The following MACROD2 variants were observed in gnomAD, a reference collection of about 807,000 sequenced individuals.
MACROD2 encodes mono-ADP ribosylhydrolase 2.
MACROD2 carries 36 observed loss-of-function variants against 70.4 expected under a neutral mutation model. The ratio of observed to expected loss-of-function variants is 0.51; its 90% CI spans 0.39 to 0.68. The LOEUF is 0.68. MACROD2 is among the 30% of genes least tolerant of loss of function. MACROD2 has a pLI of 0.00. For missense variants in MACROD2, 496 were observed against 538.4 expected (o/e 0.92, Z 0.78); for synonymous variants, 172 against 178.8 (o/e 0.96, Z 0.30).
intron 5 of MACROD2, among the ~76,000 whole-genome samples, chr20:14,752,734 G>A (rs1041445747): frequency 5.3e-5 from 8 of 151,994 alleles, no homozygotes; most frequent in African/African-American, 7.3e-5. Flanking sequence ...ATGCTTAACC[G>A]TATTACTTTG....
intron 12 of MACROD2, among the ~76,000 whole-genome samples, chr20:15,961,723 A>C (rs1218980003): frequency 1.3e-5 from 2 of 152,228 alleles, no homozygotes; most frequent in Non-Finnish European, 2.9e-5. Context: ...TAAATAAAAC[A>C]CTTGTACTCT....
intron 10 of MACROD2, among the ~76,000 whole-genome samples, chr20:15,897,237 T>C (rs2064986356): frequency 6.6e-5 from 10 of 152,208 alleles, no homozygotes; most frequent in Admixed American, 6.5e-4. Context: ...TTGCAACATT[T>C]TGAAGTTTTC....
At chr20:14,884,975 C>T (rs1568853619) in intron 5 of MACROD2, among the ~76,000 whole-genome samples, 1 of 152,170 alleles carries the variant, frequency 6.6e-6, no homozygotes. Context: ...TGATCCCCTA[C>T]TGACCCAACT....
intron 8 of MACROD2, among the ~76,000 whole-genome samples, chr20:15,712,856 AT>A (rs1440209319): frequency 6.6e-6 from 1 of 152,190 alleles, no homozygotes; most frequent in Non-Finnish European, 1.5e-5. Flanking sequence ...TTTAAAAATT[AT>A]TTTCTGTTTT....
chr20:15,037,694 T>G (rs1382005172), intron 5 of MACROD2, among the ~76,000 whole-genome samples: 1 of 152,126 alleles, frequency 6.6e-6, no homozygotes, highest in Non-Finnish European at 1.5e-5. Context: ...TTTTTTTTTT[T>G]GAACCAGACT....
intron 5 of MACROD2, among the ~76,000 whole-genome samples, chr20:15,009,322 ACT>A (rs1798260508): frequency 1.3e-5 from 2 of 152,030 alleles, no homozygotes; most frequent in South Asian, 4.2e-4. Flanking sequence ...TTCTTGGCAA[ACT>A]CTGTCATCAT....
At chr20:15,681,823 C>A (rs888458072) in intron 8 of MACROD2, among the ~76,000 whole-genome samples, 1 of 152,172 alleles carries the variant, frequency 6.6e-6, no homozygotes, top group East Asian at 1.9e-4. Context: ...ACAAGGACTC[C>A]TGTTCAATTG....
intron 8 of MACROD2, among the ~76,000 whole-genome samples, chr20:15,606,276 T>G (rs1454513616): frequency 6.6e-6 from 1 of 152,210 alleles, no homozygotes; most frequent in East Asian, 1.9e-4. Flanking sequence ...ACTCGACTTC[T>G]CTAGGCAAAT....
At chr20:15,587,422 G>A (rs2048617649) in intron 8 of MACROD2, among the ~76,000 whole-genome samples, 1 of 152,116 alleles carries the variant, frequency 6.6e-6, no homozygotes, top group African/African-American at 2.4e-5. Context: ...CAAATCTCAT[G>A]TCCTCACGTT....
chr20:15,490,155 C>T (rs1005058249), intron 7 of MACROD2, among the ~76,000 whole-genome samples: 1 of 150,906 alleles, frequency 6.6e-6, no homozygotes, highest in Non-Finnish European at 1.5e-5. Flanking sequence ...TCCTTCCTTC[C>T]TTCCTTCCTT....
intron 5 of MACROD2, among the ~76,000 whole-genome samples, chr20:15,175,796 A>G (rs113587479): frequency 0.082 from 12,447 of 152,308 alleles, 648 homozygotes; most frequent in Admixed American, 0.12. Flanking sequence ...GCTAGGTGCA[A>G]CCATGGCTGT....
chr20:15,880,643 G>A (rs2064741569), intron 9 of MACROD2, among the ~76,000 whole-genome samples: 1 of 151,982 alleles, frequency 6.6e-6, no homozygotes, highest in Non-Finnish European at 1.5e-5. Context: ...TGGGAAGCAA[G>A]GGATCTGGGG....
At chr20:15,120,956 G>A (rs2123247801) in intron 5 of MACROD2, among the ~76,000 whole-genome samples, 1 of 152,250 alleles carries the variant, frequency 6.6e-6, no homozygotes. Context: ...GTATCCAGAA[G>A]CGCTGTCGGA....
In MACROD2 at chr20:15,777,494, TTTCCTTCCTTCCTTCTTTCC is replaced by T. The variant is rs1490885986; in HGVS notation, c.646-85235_646-85216del. Among the ~76,000 whole-genome samples, 604 of 140,780 alleles carry T rather than the reference TTTCCTTCCTTCCTTCTTTCC, an allele frequency of 4.3e-3. 30 individuals are homozygous for T. Among genetic ancestry groups the T allele is most frequent in the East Asian group, 0.014 (59 of 4,330 alleles). 92.4% of individuals were successfully genotyped at this position (140,780 alleles called of 152,430 possible). On this transcript the variant is annotated intron_variant, in intron 8 of 17. Transcript: ENST00000684519. ...TGACAGAGCCAAGTTGATTCTTTTT[TTTCCTTCCTTCCTTCTTTCC>T]TTCCTTCCTTCCTTCCTTCCTTCCT... is the stretch of plus-strand genomic sequence containing the variant.
intron 3 of MACROD2, among the ~76,000 whole-genome samples, chr20:14,352,586 T>C (rs2083133801): frequency 6.6e-6 from 1 of 152,216 alleles, no homozygotes; most frequent in Admixed American, 6.5e-5. Context: ...TGCACCCTTC[T>C]AACCTCTGCC....
At chr20:14,953,907 C>G (rs1055447311) in intron 5 of MACROD2, among the ~76,000 whole-genome samples, 13 of 152,012 alleles carry the variant, frequency 8.6e-5, no homozygotes, top group Non-Finnish European at 1.9e-4. Flanking sequence ...AATGGAGAAC[C>G]GGTAGAAACA....
intron 8 of MACROD2, among the ~76,000 whole-genome samples, chr20:15,643,733 T>C (rs1488541328): frequency 6.6e-6 from 1 of 152,224 alleles, no homozygotes; most frequent in Non-Finnish European, 1.5e-5. Context: ...AAAAATCTTA[T>C]TGGGGAGGTA....
intron 5 of MACROD2, among the ~76,000 whole-genome samples, chr20:15,079,525 G>T (rs1376608331): frequency 6.6e-6 from 1 of 152,014 alleles, no homozygotes; most frequent in African/African-American, 2.4e-5. Flanking sequence ...AATCCAAGAA[G>T]CCATTAATCC....
chr20:15,206,862 G>T (rs1482247870), intron 5 of MACROD2, among the ~76,000 whole-genome samples: 3 of 149,052 alleles, frequency 2.0e-5, no homozygotes, highest in African/African-American at 7.4e-5. Context: ...TCAGCCTCCC[G>T]AGTAGCTGGG....
Sources: allele counts gnomAD v4.1 joint callset (sites outside exome capture counted in the v4.1 genomes callset), GRCh38; gene constraint gnomAD v4.1.1; transcripts MANE v1.5; gene names NCBI Gene and HGNC (gene_info 2026-07-23, HGNC 2026-07-21).